PEPD: variants seen among roughly 807,000 people sequenced by gnomAD.
PEPD encodes peptidase D, also known as xaa-Pro dipeptidase.
PEPD carries 53 observed loss-of-function variants against 60.7 expected under a neutral mutation model. That is an observed-to-expected ratio of 0.87 (90% confidence interval 0.70 to 1.10). PEPD has a LOEUF of 1.10. Among genes scored for constraint, PEPD ranks in the 50% least tolerant of loss-of-function variants. The pLI, the probability that PEPD is intolerant of heterozygous loss-of-function variation, is 0.00. For synonymous variants in PEPD, 267 were observed against 284.1 expected, an observed-to-expected ratio of 0.94 and a Z score of 0.60; for missense variants, 711 against 711.9, an observed-to-expected ratio of 1.00 and a Z score of 0.01.
At chr19:33,488,267 T>C (rs1970433646) in intron 6 of PEPD, among the ~76,000 whole-genome samples, 1 of 152,144 alleles carries the variant, frequency 6.6e-6, no homozygotes, top group Non-Finnish European at 1.5e-5. Flanking sequence ...CAACTGTCAC[T>C]GAGCACCAGC....
chr19:33,441,409 T>C (rs7248389), intron 9 of PEPD, among the ~76,000 whole-genome samples: 85,282 of 152,016 alleles, frequency 0.56, 24,568 homozygotes, highest in African/African-American at 0.65. Context: ...CTCACTGGGG[T>C]TGGTGACCAC....
chr19:33,411,652 G>C lies in PEPD; in HGVS notation c.818+20C>G. 6.8e-7 allele frequency: 1 copy of C among 1,476,336 alleles called. No homozygotes were observed. The highest frequency in any genetic ancestry group is 9.5e-7 in the Non-Finnish European group (1 of 1,055,614). 91.5% of individuals were successfully genotyped at this position (1,476,336 alleles called of 1,614,324 possible). A position where few individuals can be genotyped will look rare whatever the true frequency, so the allele number is the denominator to read the frequency against. ...GCCTGGCTGTTCACACACAGAGCCAGGGCCGCTGGCCCTACTTACCACATA... is the reference window on the plus strand; with the variant it reads ...GCCTGGCTGTTCACACACAGAGCCACGGCCGCTGGCCCTACTTACCACATA... On this transcript the variant is annotated intron_variant, in intron 11 of 14. Coordinates refer to ENST00000244137, the MANE Select transcript of PEPD (RefSeq NM_000285.4).
chr19:33,396,594 T>TG (rs1340985918), intron 12 of PEPD, among the ~76,000 whole-genome samples: 1 of 149,490 alleles, frequency 6.7e-6, no homozygotes, highest in Non-Finnish European at 1.5e-5. Flanking sequence ...TCATGAATCG[T>TG]GGGCCACCAT....
chr19:33,519,083 T>C (rs1236564923), intron 1 of PEPD, among the ~76,000 whole-genome samples: 1 of 152,110 alleles, frequency 6.6e-6, no homozygotes, highest in Non-Finnish European at 1.5e-5. Flanking sequence ...ATCAATCCTG[T>C]CTGTGGAAAG....
At chr19:33,472,948 T>C (rs965593621) in intron 7 of PEPD, among the ~76,000 whole-genome samples, 1 of 152,210 alleles carries the variant, frequency 6.6e-6, no homozygotes, top group African/African-American at 2.4e-5. Context: ...AAGAGCTGGT[T>C]GGAATTACAT....
At chr19:33,441,439 G>A (rs568127486) in intron 9 of PEPD, among the ~76,000 whole-genome samples, 6 of 152,320 alleles carry the variant, frequency 3.9e-5, no homozygotes, top group East Asian at 1.9e-4. Flanking sequence ...AAATACGGCC[G>A]CCTGCAAGAG....
intron 12 of PEPD, among the ~76,000 whole-genome samples, chr19:33,398,126 G>A (rs1411003965): frequency 6.6e-6 from 1 of 152,198 alleles, no homozygotes; most frequent in Non-Finnish European, 1.5e-5. Context: ...CCTATGCTGC[G>A]TCAATCCGCC....
intron 9 of PEPD, among the ~76,000 whole-genome samples, chr19:33,451,727 A>G (rs554072369): frequency 1.8e-4 from 27 of 152,346 alleles, no homozygotes; most frequent in African/African-American, 6.3e-4. Flanking sequence ...GGAAAATGTA[A>G]CAACAACAAC....
chr19:33,393,777 G>A (rs1162751331), intron 12 of PEPD, among the ~76,000 whole-genome samples: 3 of 152,310 alleles, frequency 2.0e-5, no homozygotes, highest in East Asian at 3.9e-4. Context: ...AACCCAGCCC[G>A]GACAATCCTG....
At chr19:33,419,899 G>A (rs1239168403) in intron 9 of PEPD, among the ~76,000 whole-genome samples, 1 of 152,232 alleles carries the variant, frequency 6.6e-6, no homozygotes, top group East Asian at 1.9e-4. Flanking sequence ...CAGAAGGGGG[G>A]ATCCGCCAAT....
intron 9 of PEPD, among the ~76,000 whole-genome samples, chr19:33,459,133 G>A (rs979212097): frequency 3.9e-5 from 6 of 152,076 alleles, no homozygotes; most frequent in African/African-American, 1.5e-4. Context: ...GAAAAGCCCA[G>A]GCCTGTGGAG....
chr19:33,463,436 C>A (rs1022609291), intron 8 of PEPD, among the ~76,000 whole-genome samples: 2 of 152,210 alleles, frequency 1.3e-5, no homozygotes, highest in East Asian at 3.9e-4. Context: ...TTATCTCGTA[C>A]AACAGAGTAC....
chr19:33,497,642 G>A (rs1970632936), intron 4 of PEPD, among the ~76,000 whole-genome samples: 1 of 152,198 alleles, frequency 6.6e-6, no homozygotes, highest in Non-Finnish European at 1.5e-5. Context: ...TGACAGCTAA[G>A]GCCACCCCAA....
intron 9 of PEPD, among the ~76,000 whole-genome samples, chr19:33,413,846 G>A (rs1286052231): frequency 6.6e-6 from 1 of 152,230 alleles, no homozygotes; most frequent in African/African-American, 2.4e-5. Flanking sequence ...GGCCAGTGTG[G>A]AGTGACAGAG....
In PEPD at chr19:33,500,853, T is replaced by C. The variant is rs547377225; in HGVS notation, c.393+85A>G. The C allele has an allele frequency of 5.3e-4, 438 of 821,756 alleles. 1 individual carries two copies. The highest frequency in any genetic ancestry group is 5.6e-4 in the Non-Finnish European group (258 of 461,910). The allele number at this position is 821,756 out of a possible 1,614,324, so 50.9% of individuals were successfully genotyped here. A position where few individuals can be genotyped will look rare whatever the true frequency, so the allele number is the denominator to read the frequency against. The stretch of plus-strand genomic sequence containing the variant: ...GTAGTGTCCCTGACATCCAGCAAGG[T>C]TGTGGCAGTGGAAGGAGAGGAACTC... On this transcript the variant is annotated intron_variant, in intron 4 of 14. Coordinates refer to ENST00000244137, the MANE Select transcript of PEPD (RefSeq NM_000285.4).
At chr19:33,466,837 A>C (rs1345814743) in intron 7 of PEPD, among the ~76,000 whole-genome samples, 2 of 152,012 alleles carry the variant, frequency 1.3e-5, no homozygotes, top group African/African-American at 4.8e-5. Context: ...ATATGGAGTG[A>C]TTTTGTATAG....
At chr19:33,500,856 T>C (rs1468029202) in intron 4 of PEPD, 82 bp downstream of exon 4, 1 of 829,356 alleles carries the variant, frequency 1.2e-6, no homozygotes, top group Non-Finnish European at 2.1e-6. Flanking sequence ...AGCAAGGTTG[T>C]GGCAGTGGAA....
At chr19:33,438,829 C>T (rs1324090986) in intron 9 of PEPD, among the ~76,000 whole-genome samples, 1 of 152,246 alleles carries the variant, frequency 6.6e-6, no homozygotes, top group Non-Finnish European at 1.5e-5. Context: ...AAGAGATTCT[C>T]CTGCCTCAGC....
At chr19:33,411,979 T>C (rs919159425) in intron 10 of PEPD, among the ~76,000 whole-genome samples, 2 of 152,204 alleles carry the variant, frequency 1.3e-5, no homozygotes, top group Non-Finnish European at 2.9e-5. Context: ...AGGCAGAGCC[T>C]CCTGGCTGAA....
Sources: allele counts gnomAD v4.1 joint callset (sites outside exome capture counted in the v4.1 genomes callset), GRCh38; gene constraint gnomAD v4.1.1; transcripts MANE v1.5; gene names NCBI Gene and HGNC (gene_info 2026-07-23, HGNC 2026-07-21).